Variants in MYH4 observed in about 807,000 individuals in gnomAD.
The protein encoded by MYH4 is myosin-4.
In MYH4, 200 loss-of-function variants were observed where a neutral mutation model predicts 229.9. That is an observed-to-expected ratio of 0.87 (90% CI 0.78 to 0.98). The LOEUF is 0.98. Ranked by LOEUF, MYH4 falls within the 50% of genes least tolerant of loss-of-function variation. MYH4 has a pLI of 0.00. For synonymous variants in MYH4, 761 were observed against 834.6 expected, an observed-to-expected ratio of 0.91 and a Z score of 1.52; for missense variants, 2,148 against 2,332.6, an observed-to-expected ratio of 0.92 and a Z score of 1.63.
At position 10,457,598 on chromosome 17, in the gene MYH4, T is replaced by G. The variant is rs1294006977; in HGVS notation, c.1719A>C (p.Lys573Asn). The G allele has an allele frequency of 6.2e-7, 1 of 1,614,198 alleles. No individual in the cohort carries two copies. The highest frequency in any genetic ancestry group is 2.2e-5 in the East Asian group (1 of 44,874). The part of the protein sequence containing the change: ...SNNFQKPKPA[K>N]GKPEAHFSLV... Reference sequence around the variant, plus strand: ...GTGAGAAGTGAGCCTCAGGCTTGCCTTTGGCAGGCTTGGGCTTCTGGAAGT... The same window carrying G: ...GTGAGAAGTGAGCCTCAGGCTTGCCGTTGGCAGGCTTGGGCTTCTGGAAGT... The change falls in exon 16 of 40, where the codon AAA becomes AAC. Residue 573 changes from lysine (K) to asparagine (N), a missense_variant. By Grantham distance (94) the Lys-to-Asn change is moderately conservative. Transcript: ENST00000255381.
intron 11 of MYH4, 99 bp from the exon 12 acceptor site, chr17:10,461,153 C>G (rs573510507): frequency 2.2e-6 from 3 of 1,380,314 alleles, no homozygotes; most frequent in African/African-American, 1.4e-5. Flanking sequence ...TCACGCCTTG[C>G]CTTATATTTG....
rs755708452 is a variant in MYH4 at position 10,465,516 on chromosome 17, C to T, written c.431G>A (p.Arg144Gln). 4.3e-5 allele frequency: 69 copies of T among 1,613,980 alleles called. No individual in the cohort carries two copies. The highest frequency in any genetic ancestry group is 5.8e-5 in the Non-Finnish European group (68 of 1,180,034). ...VYNPEVVTAY[R>Q]GKKRQEAPPH... ...TGGGGCCTCCTGGCGCTTTTTGCCTCGGTAGGCTGTCACCACCTCAGGGTT... is the reference window on the plus strand; with the variant it reads ...TGGGGCCTCCTGGCGCTTTTTGCCTTGGTAGGCTGTCACCACCTCAGGGTT... Residue 144 changes from arginine to glutamine, a missense_variant, in exon 5 of 40, where the codon CGA (arginine) becomes CAA (glutamine). Arg to Gln is a conservative substitution (Grantham distance 43, BLOSUM62 1). Transcript: ENST00000255381.
rs753499615 is a variant in MYH4 at position 10,454,813 on chromosome 17, G to A, written c.2436-3C>T. On this transcript the variant is annotated splice_region_variant and splice_polypyrimidine_tract_variant and intron_variant, in intron 21 of 39. Transcript: ENST00000255381. ...ACTGAATGCAGAAGATGGACTCTCT[G>A]TAGGAAAAGAAAAAAAGATGCAAAT... 9 of 1,611,666 alleles carry A rather than the reference G, an allele frequency of 5.6e-6. No individual in the cohort carries two copies. In the South Asian group the frequency reaches 7.7e-5, roughly 14 times the overall value.
At chr17:10,450,174 T>A (rs1376671095) in intron 30 of MYH4, among the ~76,000 whole-genome samples, 4 of 152,210 alleles carry the variant, frequency 2.6e-5, no homozygotes, top group Non-Finnish European at 4.4e-5. Flanking sequence ...TTCTATTTAA[T>A]TCATAAATAA....
In MYH4 at chr17:10,466,779, G is replaced by A. The variant is rs1397073985; in HGVS notation, c.-34C>T. On this transcript the variant is annotated 5_prime_UTR_variant, in exon 3 of 40. Coordinates refer to ENST00000255381, the MANE Select transcript of MYH4 (RefSeq NM_017533.2). ...GTTATTGATGGCAGTACTGGACTAG[G>A]TATACCTAGAGGAAGAAACAGAGCC... is the stretch of plus-strand genomic sequence containing the variant. 1.2e-6 allele frequency: 2 copies of A among 1,611,668 alleles called. No individual in the cohort carries two copies. The highest frequency in any genetic ancestry group is 1.3e-5 in the African/African-American group (1 of 74,838).
chr17:10,456,236 A>C (rs951189608), intron 17 of MYH4, among the ~76,000 whole-genome samples: 4 of 152,172 alleles, frequency 2.6e-5, no homozygotes, highest in African/African-American at 9.6e-5. Flanking sequence ...GATCTCTTGG[A>C]TGTAGGGCTC....
chr17:10,454,542 G>A lies in MYH4; in HGVS notation c.2691+13C>T. 6.2e-7 allele frequency: 1 copy of A among 1,613,116 alleles called. No individual in the cohort carries two copies. Among genetic ancestry groups the A allele is most frequent in the Non-Finnish European group, 8.5e-7 (1 of 1,179,764 alleles). On this transcript the variant is annotated intron_variant, in intron 22 of 39. Coordinates refer to ENST00000255381, the MANE Select transcript of MYH4 (RefSeq NM_017533.2). ...TAATAAGATGTGGCTGAACTGCAAT[G>A]TATAATACTTACAGCTTGAACTTGG...
chr17:10,443,673 C>G lies in MYH4; in HGVS notation c.5668-146G>C. ...TGGTGGCTCACACCTGTAATCCCAG[C>G]ACTCTGGGAGACTGAGGCGGGTGGA... On this transcript the variant is annotated intron_variant, in intron 39 of 39. Coordinates refer to ENST00000255381, the MANE Select transcript of MYH4 (RefSeq NM_017533.2). The surrounding 1 kb of genome is among the most constrained non-coding windows in gnomAD (Gnocchi z 4.6). 1 of 822,068 alleles carries G rather than the reference C, an allele frequency of 1.2e-6. No homozygotes were observed. The highest frequency in any genetic ancestry group is 1.8e-6 in the Non-Finnish European group (1 of 544,258). The allele number at this position is 822,068 out of a possible 1,614,324, so 50.9% of individuals were successfully genotyped here.
chr17:10,455,788 T>C, intron 18 of MYH4, 26 bp downstream of exon 18: 2 of 1,614,200 alleles, frequency 1.2e-6, no homozygotes, highest in Non-Finnish European at 1.7e-6. Context: ...ACACTGGAGC[T>C]TGTCTGGATA....
At position 10,463,372 on chromosome 17, in the gene MYH4, G is replaced by A; in HGVS notation, c.771C>T (p.Ala257=). Reference sequence around the variant, plus strand: ...TATCTGCAGAAGCCAGTTTGCCTGTGGCACCAAAATGGATCCTGATGAATT... The same window carrying A: ...TATCTGCAGAAGCCAGTTTGCCTGTAGCACCAAAATGGATCCTGATGAATT... ...FGKFIRIHFG[A]TGKLASADIE... The change falls in exon 9 of 40, where the codon GCC becomes GCT. Residue 257 remains alanine, a synonymous_variant. Transcript: ENST00000255381. 6.2e-7 allele frequency: 1 copy of A among 1,612,874 alleles called. No homozygotes were observed. The highest frequency in any genetic ancestry group is 1.7e-5 in the Admixed American group (1 of 59,890).
In MYH4 at chr17:10,453,352, G is replaced by C. The variant is rs369232013; in HGVS notation, c.2935-24C>G. 6 of 1,613,782 alleles carry C rather than the reference G, an allele frequency of 3.7e-6. No homozygotes were observed. In the African/African-American group the frequency reaches 8.0e-5, roughly 22 times the overall value. On this transcript the variant is annotated intron_variant, in intron 23 of 39. Transcript: ENST00000255381. The stretch of plus-strand genomic sequence containing the variant: ...ACCTTTAGATTAGAACAGATGACCA[G>C]AATGTCAATGACAACGTATTATCTT...
intron 2 of MYH4, among the ~76,000 whole-genome samples, chr17:10,468,185 GT>G (rs1182614420): frequency 1.3e-5 from 2 of 152,002 alleles, no homozygotes; most frequent in African/African-American, 4.8e-5. Flanking sequence ...ATTATATTTT[GT>G]TTCTGTGTTT....
chr17:10,447,872 G>T lies in MYH4; in HGVS notation c.4911C>A (p.Asn1637Lys), dbSNP rs2072528864. Residue 1637 changes from asparagine to lysine, a missense_variant, in exon 34 of 40, where the codon AAC becomes AAA. Coordinates refer to ENST00000255381, the MANE Select transcript of MYH4 (RefSeq NM_017533.2). ...NEMEIQLNHA[N>K]RQAAEALRNL... The stretch of plus-strand genomic sequence containing the variant: ...TCCTTAGTGCCTCAGCAGCCTGGCG[G>T]TTGGCATGGTTCAGCTGGATTTCCA... 6.2e-7 allele frequency: 1 copy of T among 1,613,954 alleles called. No individual in the cohort carries two copies.
At chr17:10,446,133 C>T (rs1411634040) in intron 35 of MYH4, among the ~76,000 whole-genome samples, 2 of 150,910 alleles carry the variant, frequency 1.3e-5, no homozygotes, top group Non-Finnish European at 2.9e-5. Flanking sequence ...TAGTCAACTT[C>T]AGATACTGTT....
At position 10,455,196 on chromosome 17, in the gene MYH4, G is replaced by A. The variant is rs1249823573; in HGVS notation, c.2274C>T (p.Thr758=). 4 of 1,614,052 alleles carry A rather than the reference G, an allele frequency of 2.5e-6. No individual in the cohort carries two copies. The highest frequency in any genetic ancestry group is 1.1e-5 in the South Asian group (1 of 91,072). Residue 758 remains threonine (T), a synonymous_variant, in exon 20 of 40, where the codon ACC becomes ACT. Transcript: ENST00000255381. The stretch of plus-strand genomic sequence containing the variant: ...CCTTGGTATGACCGAATTTGTACTG[G>A]GTGTGGTCAATTTCAATAGACCCTA... ...KLLGSIEIDH[T]QYKFGHTKVF... is the part of the protein sequence containing the mutation.
At chr17:10,452,596 G>T in intron 25 of MYH4, 90 bp from the exon 26 acceptor site, 4 of 1,334,020 alleles carry the variant, frequency 3.0e-6, no homozygotes, top group Non-Finnish European at 4.2e-6. Flanking sequence ...TATACTGCTG[G>T]TGTTGAAGGA....
At chr17:10,456,314 T>G (rs2072637658) in intron 17 of MYH4, among the ~76,000 whole-genome samples, 171 bp downstream of exon 17, 1 of 152,142 alleles carries the variant, frequency 6.6e-6, no homozygotes, top group East Asian at 1.9e-4. Flanking sequence ...TTTGTGCTAA[T>G]TTTTTTTCCT....
rs1382441686 is a variant in MYH4 at position 10,452,101 on chromosome 17, G to T, written c.3578C>A (p.Ala1193Glu). The T allele has an allele frequency of 6.2e-7, 1 of 1,613,996 alleles. No individual in the cohort carries two copies. Among genetic ancestry groups the T allele is most frequent in the Admixed American group, 1.7e-5 (1 of 60,016 alleles). ...EESTLQHEATAAALRKKHADS... is the reference protein window; with the variant it reads ...EESTLQHEATEAALRKKHADS... The stretch of plus-strand genomic sequence containing the variant: ...TGCGTGCTTCTTCCGAAGAGCAGCT[G>T]CCGTGGCTTCGTGCTGCAGGGTGGA... Residue 1193 changes from alanine (A) to glutamate (E), a missense_variant, in exon 27 of 40, where the codon GCA (alanine) becomes GAA (glutamate). By Grantham distance (107) the Ala-to-Glu change is moderately radical. Transcript: ENST00000255381.
Position 10,450,764 on chromosome 17 carries a change from G to A in MYH4, c.3984+13C>T, listed in dbSNP as rs1361011320. ...GTTCAAGTGATTGAAAGTATCAGCTGGAGAATTCTCACCTTAGTCTCCTCT... is the reference window on the plus strand; with the variant it reads ...GTTCAAGTGATTGAAAGTATCAGCTAGAGAATTCTCACCTTAGTCTCCTCT... On this transcript the variant is annotated intron_variant, in intron 29 of 39. Coordinates refer to ENST00000255381, the MANE Select transcript of MYH4 (RefSeq NM_017533.2). The A allele has an allele frequency of 6.2e-7, 1 of 1,610,764 alleles. No homozygotes were observed. The highest frequency in any genetic ancestry group is 1.7e-4 in the Middle Eastern group (1 of 6,052).
Sources: gnomAD v4.1 joint callset for allele counts (sites outside exome capture counted in the v4.1 genomes callset) on GRCh38, gnomAD v4.1.1 for gene constraint, Gnocchi (gnomAD v3.1) non-coding constraint, MANE v1.5 for transcripts, NCBI Gene and HGNC (gene_info 2026-07-23, HGNC 2026-07-21) for gene names.